The following NFIB variants were observed in gnomAD, a reference collection of about 807,000 sequenced individuals.
NFIB encodes the protein nuclear factor I B, also known as nuclear factor 1 B-type.
In NFIB, 11 loss-of-function variants were observed where a neutral mutation model predicts 61.5. That is an observed-to-expected ratio of 0.18 (90% CI 0.11 to 0.30). The LOEUF (loss-of-function observed/expected upper bound fraction) is 0.30. NFIB is among the 10% of genes least tolerant of loss of function. The probability of loss-of-function intolerance (pLI) is 1.00; values close to 1 mark genes in which losing one functional copy is unlikely to be tolerated. For missense variants in NFIB, 471 were observed against 608.9 expected (o/e 0.77, Z 2.38); for synonymous variants, 260 against 216.5 (o/e 1.20, Z -1.76).
At chr9:14,261,071 C>A (rs1249520455) in intron 2 of NFIB, among the ~76,000 whole-genome samples, 1 of 152,204 alleles carries the variant, frequency 6.6e-6, no homozygotes, top group Non-Finnish European at 1.5e-5. Flanking sequence ...AATCCCAGCT[C>A]TTTGGGAGGC....
At chr9:14,476,000 A>G in the NFIB span, among the ~76,000 whole-genome samples, 8 of 152,192 alleles carry the variant, frequency 5.3e-5, no homozygotes, top group Non-Finnish European at 1.2e-4. Flanking sequence ...AAAAAATTGG[A>G]CTTAACAAAT....
intron 2 of NFIB, among the ~76,000 whole-genome samples, chr9:14,243,707 G>T (rs1217999739): frequency 6.6e-6 from 1 of 151,922 alleles, no homozygotes; most frequent in Non-Finnish European, 1.5e-5. Flanking sequence ...CTTCGTAAAA[G>T]TTCGTCCTAA....
At chr9:14,471,971 G>A in the NFIB span, among the ~76,000 whole-genome samples, 3 of 152,138 alleles carry the variant, frequency 2.0e-5, no homozygotes, top group East Asian at 1.9e-4. Context: ...CTCCATCTCC[G>A]ACCTGCAGGT....
intron 1 of NFIB, among the ~76,000 whole-genome samples, chr9:14,394,773 CCTAA>C (rs1251900159): frequency 6.6e-6 from 1 of 152,160 alleles, no homozygotes; most frequent in Non-Finnish European, 1.5e-5. Flanking sequence ...TCTGACATTT[CCTAA>C]CTGTGATCAT....
intron 1 of NFIB, among the ~76,000 whole-genome samples, chr9:14,385,462 C>T (rs2061538763): frequency 6.6e-6 from 1 of 152,162 alleles, no homozygotes. Context: ...ATTATCTCTG[C>T]ACCTGGCATA....
intron 1 of NFIB, among the ~76,000 whole-genome samples, chr9:14,330,572 A>G (rs1214314052): frequency 1.3e-5 from 2 of 152,246 alleles, no homozygotes; most frequent in Admixed American, 6.5e-5. Flanking sequence ...ATTCTTAGAA[A>G]TTTGCCTAGA....
intron 2 of NFIB, among the ~76,000 whole-genome samples, chr9:14,271,423 T>C (rs2057617080): frequency 6.6e-6 from 1 of 152,072 alleles, no homozygotes; most frequent in Non-Finnish European, 1.5e-5. Flanking sequence ...TATTAGCAAG[T>C]GAAGCACAAG....
At position 14,124,152 on chromosome 9, in the gene NFIB, G is replaced by A. The variant is rs577893421; in HGVS notation, c.1060+1480C>T. Among the ~76,000 whole-genome samples the A allele has an allele frequency of 1.9e-3, 283 of 152,240 alleles. 1 individual carries two copies. The highest frequency in any genetic ancestry group is 6.7e-3 in the African/African-American group (277 of 41,544). On this transcript the variant is annotated intron_variant, in intron 7 of 10. Transcript: ENST00000380953. ...GAACAAATATCGGGTGAAGGACCAA[G>A]GTGGAGGGCTCATCTAGGTCTCTCC... is the stretch of plus-strand genomic sequence containing the variant.
intron 2 of NFIB, chr9:14,306,055 A>G (rs1295984133): frequency 1.2e-6 from 1 of 817,662 alleles, no homozygotes. Flanking sequence ...AATAAAAATA[A>G]TAAACATTTC....
At chr9:14,374,256 T>C (rs2061391509) in intron 1 of NFIB, among the ~76,000 whole-genome samples, 3 of 152,168 alleles carry the variant, frequency 2.0e-5, no homozygotes, top group African/African-American at 7.2e-5. Flanking sequence ...GGCTTTTGCC[T>C]CCCCTCCTTC....
chr9:14,250,440 G>C (rs529394365), intron 2 of NFIB, among the ~76,000 whole-genome samples: 15 of 152,274 alleles, frequency 9.9e-5, no homozygotes, highest in East Asian at 5.8e-4. Context: ...AAGGAAGACA[G>C]ATTTCCAAAA....
At chr9:14,180,288 GGATCCAGGCCCA>G (rs1321584099) in intron 2 of NFIB, among the ~76,000 whole-genome samples, 1 of 152,088 alleles carries the variant, frequency 6.6e-6, no homozygotes, top group East Asian at 1.9e-4. Context: ...CCAACCTACT[GGATCCAGGCCCA>G]GATTTATCTA....
At chr9:14,227,319 T>C (rs985230929) in intron 2 of NFIB, among the ~76,000 whole-genome samples, 13 of 152,228 alleles carry the variant, frequency 8.5e-5, no homozygotes, top group African/African-American at 3.1e-4. Flanking sequence ...TAGACTGTGA[T>C]ATCCTTGAGG....
At chr9:14,386,057 AC>A (rs2061546057) in intron 1 of NFIB, among the ~76,000 whole-genome samples, 1 of 152,206 alleles carries the variant, frequency 6.6e-6, no homozygotes, top group Non-Finnish European at 1.5e-5. Context: ...TGCTGGAATT[AC>A]AGACATGAGC....
chr9:14,086,605 C>A lies in NFIB; in HGVS notation c.*1704G>T. On this transcript the variant is annotated 3_prime_UTR_variant, in exon 11 of 11. Coordinates refer to ENST00000380953, the MANE Select transcript of NFIB (RefSeq NM_001190737.2). ...ATTTTTAAGCGGCAACTATACACAG[C>A]CATGATATGCTTTATAAATGTGAGA... 4.7e-6 allele frequency: 1 copy of A among 214,974 alleles called. No homozygotes were observed. The highest frequency in any genetic ancestry group is 9.4e-6 in the Non-Finnish European group (1 of 106,314). 13.3% of individuals were successfully genotyped at this position (214,974 alleles called of 1,614,324 possible). A position where few individuals can be genotyped will look rare whatever the true frequency, so the allele number is the denominator to read the frequency against.
the NFIB span, among the ~76,000 whole-genome samples, chr9:14,512,933 GAAAA>G: frequency 7.8e-6 from 1 of 128,688 alleles, no homozygotes; most frequent in African/African-American, 3.0e-5. Context: ...CAAAGCTTTT[GAAAA>G]AAAAAAAAAA....
Position 14,088,049 on chromosome 9 carries a change from T to G in NFIB, c.*260A>C. 1.6e-6 allele frequency: 1 copy of G among 631,144 alleles called. No homozygotes were observed. Among genetic ancestry groups the G allele is most frequent in the Non-Finnish European group, 2.3e-6 (1 of 426,374 alleles). 39.1% of individuals were successfully genotyped at this position (631,144 alleles called of 1,614,324 possible). A position where few individuals can be genotyped will look rare whatever the true frequency, so the allele number is the denominator to read the frequency against. On this transcript the variant is annotated 3_prime_UTR_variant, in exon 11 of 11. Coordinates refer to ENST00000380953, the MANE Select transcript of NFIB (RefSeq NM_001190737.2). ...GTTTCAACCTTAAGGGAATTAGTGATTGTAAGTGCTGCAATTGCTGGTCTA... is the reference window on the plus strand; with the variant it reads ...GTTTCAACCTTAAGGGAATTAGTGAGTGTAAGTGCTGCAATTGCTGGTCTA...
chr9:14,339,757 T>C (rs1998441), intron 1 of NFIB, among the ~76,000 whole-genome samples: 147,361 of 152,260 alleles, frequency 0.97, 71,486 homozygotes, highest in Non-Finnish European at 1. Flanking sequence ...CTCCATTCTC[T>C]TCATCTGCTA....
chr9:14,450,430 C>A, the NFIB span, among the ~76,000 whole-genome samples: 1 of 152,150 alleles, frequency 6.6e-6, no homozygotes, highest in African/African-American at 2.4e-5. Context: ...TATTATAGTT[C>A]GTTTCAAGAA....
Sources: allele counts gnomAD v4.1 joint callset (sites outside exome capture counted in the v4.1 genomes callset), GRCh38; gene constraint gnomAD v4.1.1; transcripts MANE v1.5; gene names NCBI Gene and HGNC (gene_info 2026-07-23, HGNC 2026-07-21).